Variants in PCDHGA12 observed in about 807,000 individuals in gnomAD.
PCDHGA12 encodes the protein protocadherin gamma subfamily A, 12.
In PCDHGA12, 43 loss-of-function variants were observed where a neutral mutation model predicts 61.1. The ratio of observed to expected loss-of-function variants is 0.70; its 90% confidence interval spans 0.55 to 0.91. The LOEUF is 0.91. Among genes scored for constraint, PCDHGA12 ranks in the 40% least tolerant of loss-of-function variants. The pLI, the probability that PCDHGA12 is intolerant of heterozygous loss-of-function variation, is 0.00. For synonymous variants in PCDHGA12, 520 were observed against 542.9 expected, an observed-to-expected ratio of 0.96 and a Z score of 0.59; for missense variants, 1,236 against 1,227.7, an observed-to-expected ratio of 1.01 and a Z score of -0.10.
In PCDHGA12 at chr5:141,476,291, G is replaced by T. The variant is rs1385060012; in HGVS notation, c.2425-18516G>T. The stretch of plus-strand genomic sequence containing the variant: ...GGTCGCGAACCTTGGTTTGGATCTC[G>T]GTAGCCTCTCAGCCCGCAGGTTCCG... On this transcript the variant is annotated intron_variant, in intron 1 of 3. Coordinates refer to ENST00000252085, the MANE Select transcript of PCDHGA12 (RefSeq NM_003735.3). This position sits in a 1 kb window ranked among gnomAD's most constrained non-coding sequence, Gnocchi z 7.6. 4 of 1,614,128 alleles carry T rather than the reference G, an allele frequency of 2.5e-6. No homozygotes were observed. Among genetic ancestry groups the T allele is most frequent in the South Asian group, 1.1e-5 (1 of 91,072 alleles).
rs1485520054 is a variant in PCDHGA12 at position 141,511,210 on chromosome 5, C to T, written c.*37C>T. 6.2e-7 allele frequency: 1 copy of T among 1,609,328 alleles called. No individual in the cohort carries two copies. The highest frequency in any genetic ancestry group is 1.3e-5 in the African/African-American group (1 of 74,896). ...GGCCAAGAGCCACAGGGCGGCCTCT[C>T]CCCAACCAGCCCAGCTTCTCCTTAC... On this transcript the variant is annotated 3_prime_UTR_variant, in exon 4 of 4. Transcript: ENST00000252085.
In PCDHGA12 at chr5:141,485,219, A is replaced by C. The variant is rs954128321; in HGVS notation, c.2425-9588A>C. 20 of 1,613,930 alleles carry C rather than the reference A, an allele frequency of 1.2e-5. No individual in the cohort carries two copies. The highest frequency in any genetic ancestry group is 1.6e-5 in the Non-Finnish European group (19 of 1,179,944). On this transcript the variant is annotated intron_variant, in intron 1 of 3. Coordinates refer to ENST00000252085, the MANE Select transcript of PCDHGA12 (RefSeq NM_003735.3). The surrounding 1 kb of genome is among the most constrained non-coding windows in gnomAD (Gnocchi z 5.7). The stretch of plus-strand genomic sequence containing the variant: ...CTGGACAGAAATCTGGCGGTGGGCT[A>C]CCCTTTTGTTCCTCTTTTACCACCT...
At chr5:141,505,028 G>A (rs2099842951) in intron 2 of PCDHGA12, among the ~76,000 whole-genome samples, 1 of 152,164 alleles carries the variant, frequency 6.6e-6, no homozygotes, top group Admixed American at 6.5e-5. Flanking sequence ...CTGGCACAGT[G>A]GCAGGTGCCT....
intron 1 of PCDHGA12, among the ~76,000 whole-genome samples, chr5:141,444,476 C>A (rs1228271706): frequency 6.6e-6 from 1 of 152,088 alleles, no homozygotes; most frequent in Non-Finnish European, 1.5e-5. Flanking sequence ...CGGTCGCGTA[C>A]TGGATTTATA....
rs1266310917 is a variant in PCDHGA12 at position 141,486,868 on chromosome 5, G to A, written c.2425-7939G>A. 2 of 1,614,104 alleles carry A rather than the reference G, an allele frequency of 1.2e-6. No homozygotes were observed. Among genetic ancestry groups the A allele is most frequent in the Non-Finnish European group, 1.7e-6 (2 of 1,180,056 alleles). ...ACCTCAATGACAATGCTCCAGCTGT[G>A]CTCCGTCCTCGGGCCCGGCCTGGTT... On this transcript the variant is annotated intron_variant, in intron 1 of 3. Transcript: ENST00000252085. The surrounding 1 kb of genome is among the most constrained non-coding windows in gnomAD (Gnocchi z 5.0).
At position 141,489,924 on chromosome 5, in the gene PCDHGA12, C is replaced by G. The variant is rs755286650; in HGVS notation, c.2425-4883C>G. ...CAGCCCGCTCAGGGACCACCCTTAT[C>G]TCTGTCATCGTGCTGGACATCAATG... is the stretch of plus-strand genomic sequence containing the variant. On this transcript the variant is annotated intron_variant, in intron 1 of 3. Transcript: ENST00000252085. This position sits in a 1 kb window ranked among gnomAD's most constrained non-coding sequence, Gnocchi z 4.5. 22 of 1,614,226 alleles carry G rather than the reference C, an allele frequency of 1.4e-5. No homozygotes were observed. The highest frequency in any genetic ancestry group is 1.9e-5 in the Non-Finnish European group (22 of 1,180,030).
rs141034739 is a variant in PCDHGA12 at position 141,491,100 on chromosome 5, C to T, written c.2425-3707C>T. The T allele has an allele frequency of 2.7e-4, 430 of 1,614,138 alleles. No homozygotes were observed. The African/African-American group carries it at 4.7e-3, about 18-fold the overall frequency. ...AGTCCACAGCCCCAGGACTGTTCCT[C>T]GTGTCTACACACACTGGTGAGGTGC... On this transcript the variant is annotated intron_variant, in intron 1 of 3. Transcript: ENST00000252085. The surrounding 1 kb of genome is among the most constrained non-coding windows in gnomAD (Gnocchi z 6.9).
intron 1 of PCDHGA12, chr5:141,484,976 G>T: frequency 1.7e-6 from 1 of 592,920 alleles, no homozygotes; most frequent in South Asian, 2.1e-5. Flanking sequence ...GCCGCTGTCT[G>T]CCAATCGGGT....
rs1301352900 is a variant in PCDHGA12, at chr5:141,491,765, A to T, written c.2425-3042A>T. ...GGCACTGGAGAAGCCGCCCGTCCTC[A>T]TAAGGGATTGAACTTGCATCCACTC... On this transcript the variant is annotated intron_variant, in intron 1 of 3. Transcript: ENST00000252085. The surrounding 1 kb of genome is among the most constrained non-coding windows in gnomAD (Gnocchi z 6.9). 1.3e-6 allele frequency: 2 copies of T among 1,569,228 alleles called. No individual in the cohort carries two copies. Among genetic ancestry groups the T allele is most frequent in the Non-Finnish European group, 1.7e-6 (2 of 1,158,736 alleles).
At position 141,476,043 on chromosome 5, in the gene PCDHGA12, A is replaced by T. The variant is rs2099384502; in HGVS notation, c.2425-18764A>T. 1 of 1,492,156 alleles carries T rather than the reference A, an allele frequency of 6.7e-7. No individual in the cohort carries two copies. Among genetic ancestry groups the T allele is most frequent in the African/African-American group, 1.4e-5 (1 of 71,628 alleles). The allele number at this position is 1,492,156 out of a possible 1,614,324, so 92.4% of individuals were successfully genotyped here. On this transcript the variant is annotated intron_variant, in intron 1 of 3. Coordinates refer to ENST00000252085, the MANE Select transcript of PCDHGA12 (RefSeq NM_003735.3). The surrounding 1 kb of genome is among the most constrained non-coding windows in gnomAD (Gnocchi z 7.6). ...ACTCGGCGCCCAGCGCCCAAGCGCT[A>T]ACCCGCTGAAAGTTTCTCAGCGAAA...
chr5:141,462,393 C>A (rs1465154354), intron 1 of PCDHGA12, among the ~76,000 whole-genome samples: 4 of 152,062 alleles, frequency 2.6e-5, no homozygotes, highest in African/African-American at 9.7e-5. Flanking sequence ...GTTAACATTT[C>A]TTTTATGGCA....
chr5:141,432,935 C>T lies in PCDHGA12; in HGVS notation c.2176C>T (p.Gln726Ter). The T allele has an allele frequency of 4.3e-6, 7 of 1,614,218 alleles. No homozygotes were observed. The highest frequency in any genetic ancestry group is 5.1e-6 in the Non-Finnish European group (6 of 1,180,046). Residue 726 changes from glutamine to a stop codon, truncating the protein, a stop_gained, in exon 1 of 4, where the codon CAG becomes TAG. Transcript: ENST00000252085. LOFTEE classifies it high-confidence loss of function. This position sits in a 1 kb window ranked among gnomAD's most constrained non-coding sequence, Gnocchi z 6.0. The stretch of plus-strand genomic sequence containing the variant: ...GCGCTGGCACAAGTCACGCCTGCTG[C>T]AGGCTTCAGGAGGCGGCTTGACAGG... ...LRRWHKSRLLQASGGGLTGAP... is the reference protein window; with the variant it reads ...LRRWHKSRLL
intron 1 of PCDHGA12, among the ~76,000 whole-genome samples, chr5:141,450,572 T>A (rs1276283357): frequency 6.6e-6 from 1 of 151,710 alleles, no homozygotes; most frequent in African/African-American, 2.4e-5. Flanking sequence ...CTGCAACTTC[T>A]GCCTCCCAGG....
chr5:141,483,133 T>C (rs1263073911), intron 1 of PCDHGA12, among the ~76,000 whole-genome samples: 25 of 152,142 alleles, frequency 1.6e-4, no homozygotes, highest in South Asian at 1.2e-3. Flanking sequence ...GGAGATGAGG[T>C]GAAGCAAGTA....
rs143168452 is a variant in PCDHGA12 at position 141,504,127 on chromosome 5, C to T, written c.2484-1266C>T. Among the ~76,000 whole-genome samples the T allele has an allele frequency of 1.3e-3, 195 of 152,220 alleles. 2 individuals carry two copies. The highest frequency in any genetic ancestry group is 4.4e-3 in the African/African-American group (181 of 41,520). On this transcript the variant is annotated intron_variant, in intron 2 of 3. Transcript: ENST00000252085. ...CTGTGTGTGTGCCAGGGCTGTTTCC[C>T]GCCAACACTCCCCTGCAAATTGAAA...
chr5:141,473,269 A>G (rs2099318337), intron 1 of PCDHGA12, among the ~76,000 whole-genome samples: 1 of 152,208 alleles, frequency 6.6e-6, no homozygotes. Flanking sequence ...AGTGTATGCT[A>G]TGATTATTTT....
In PCDHGA12 at chr5:141,511,067, C is replaced by T. The variant is rs760786015; in HGVS notation, c.2693C>T (p.Pro898Leu). The change falls in exon 4 of 4, where the codon CCA (proline) becomes CTA (leucine). Residue 898 changes from proline (P) to leucine (L), a missense_variant. Pro to Leu is a moderately conservative substitution (Grantham distance 98). Coordinates refer to ENST00000252085, the MANE Select transcript of PCDHGA12 (RefSeq NM_003735.3). ...VPDYRQNVYI[P>L]GSNATLTNAA... ...GACTACCGCCAGAATGTCTACATCC[C>T]AGGCAGCAATGCCACACTGACCAAC... 7.4e-6 allele frequency: 12 copies of T among 1,614,136 alleles called. No homozygotes were observed. Among genetic ancestry groups the T allele is most frequent in the African/African-American group, 1.3e-5 (1 of 74,942 alleles).
At chr5:141,440,275 T>C (rs913705052) in intron 1 of PCDHGA12, 14 of 152,120 alleles carry the variant, frequency 9.2e-5, no homozygotes, top group African/African-American at 3.1e-4. Flanking sequence ...GAGACCAGCC[T>C]GACCAACATA....
intron 1 of PCDHGA12, among the ~76,000 whole-genome samples, chr5:141,443,521 T>A (rs2098392520): frequency 6.6e-6 from 1 of 152,156 alleles, no homozygotes; most frequent in Admixed American, 6.6e-5. Context: ...TCTCTCCTTA[T>A]GACTTATTTA....
Sources: gnomAD v4.1 joint callset for allele counts (sites outside exome capture counted in the v4.1 genomes callset) on GRCh38, gnomAD v4.1.1 for gene constraint, Gnocchi (gnomAD v3.1) non-coding constraint, MANE v1.5 for transcripts, NCBI Gene and HGNC (gene_info 2026-07-23, HGNC 2026-07-21) for gene names.